Variants in SGCG observed in about 807,000 individuals in gnomAD.
SGCG encodes the protein gamma-sarcoglycan.
In SGCG, 26 loss-of-function variants were observed where a neutral mutation model predicts 29.3. The observed-to-expected ratio is 0.89, with a 90% CI of 0.65 to 1.23. The LOEUF is 1.23. SGCG is among the 50% of genes most tolerant of loss of function. SGCG has a pLI of 0.00. For missense variants in SGCG, 353 were observed against 356.0 expected (o/e 0.99, Z 0.07); for synonymous variants, 145 against 129.7 (o/e 1.12, Z -0.80).
intron 1 of SGCG, among the ~76,000 whole-genome samples, chr13:23,199,387 T>C (rs1345090918): frequency 1.3e-5 from 2 of 152,230 alleles, no homozygotes; most frequent in African/African-American, 4.8e-5. Context: ...TGAATACCAC[T>C]AATGCAGTTG....
chr13:23,192,275 G>A (rs527868963), intron 1 of SGCG, among the ~76,000 whole-genome samples: 3 of 152,130 alleles, frequency 2.0e-5, no homozygotes, highest in South Asian at 2.1e-4. Flanking sequence ...GTAATAATAT[G>A]TAACTCTATC....
intron 5 of SGCG, among the ~76,000 whole-genome samples, chr13:23,284,037 A>G (rs1881406129): frequency 6.6e-6 from 1 of 152,092 alleles, no homozygotes; most frequent in African/African-American, 2.4e-5. Flanking sequence ...TGCCCTTAAC[A>G]TGTTTTCCTT....
the SGCG span, among the ~76,000 whole-genome samples, chr13:23,169,407 G>A: frequency 3.0e-4 from 46 of 151,478 alleles, no homozygotes; most frequent in African/African-American, 8.7e-4. Flanking sequence ...GGTAGCCGGC[G>A]CGGTGGCTCA....
At chr13:23,230,689 G>A (rs1239508095) in intron 2 of SGCG, among the ~76,000 whole-genome samples, 1 of 152,188 alleles carries the variant, frequency 6.6e-6, no homozygotes, top group African/African-American at 2.4e-5. Context: ...TTTGGGCAGA[G>A]ACTATGGGTT....
intron 6 of SGCG, among the ~76,000 whole-genome samples, chr13:23,299,456 A>ATATATTTTTT (rs1882059808): frequency 4.8e-5 from 2 of 41,540 alleles, no homozygotes; most frequent in Non-Finnish European, 9.6e-5. Flanking sequence ...ATATATATAT[A>ATATATTTTTT]TTTTTTTTTT....
At chr13:23,219,896 C>A (rs1404251483) in intron 2 of SGCG, among the ~76,000 whole-genome samples, 2 of 133,374 alleles carry the variant, frequency 1.5e-5, no homozygotes, top group African/African-American at 5.6e-5. Flanking sequence ...AGTGCAGTGG[C>A]GCCATCTCGG....
chr13:23,273,351 A>G (rs1880940596), intron 4 of SGCG, among the ~76,000 whole-genome samples: 1 of 151,928 alleles, frequency 6.6e-6, no homozygotes, highest in African/African-American at 2.4e-5. Context: ...TGCCCAGCTA[A>G]TTTTTGTATT....
At chr13:23,225,518 G>C (rs1189316315) in intron 2 of SGCG, among the ~76,000 whole-genome samples, 2 of 151,858 alleles carry the variant, frequency 1.3e-5, no homozygotes, top group African/African-American at 4.8e-5. Flanking sequence ...CATTTATTTT[G>C]ATGCTCAAAC....
intron 4 of SGCG, among the ~76,000 whole-genome samples, chr13:23,266,930 G>C (rs896948473): frequency 6.6e-6 from 1 of 152,090 alleles, no homozygotes; most frequent in Admixed American, 6.6e-5. Flanking sequence ...GAATTTCTTT[G>C]TAGCAATGCA....
chr13:23,178,681 A>C (rs1876634023), upstream of SGCG, among the ~76,000 whole-genome samples: 1 of 152,152 alleles, frequency 6.6e-6, no homozygotes, highest in African/African-American at 2.4e-5. Flanking sequence ...GAACTTTCTC[A>C]TTCCCCTATT....
rs181828594 is a variant in SGCG at position 23,271,170 on chromosome 13, C to T, written c.386-8189C>T. The stretch of plus-strand genomic sequence containing the variant: ...GAGGTTGCAGTGAGCCGAGATCACG[C>T]CACTACACTCCAACCTGTGTGATAG... On this transcript the variant is annotated intron_variant, in intron 4 of 7. Coordinates refer to ENST00000218867, the MANE Select transcript of SGCG (RefSeq NM_000231.3). 5.3e-5 allele frequency among the ~76,000 whole-genome samples: 8 copies of T among 152,254 alleles called. No individual in the cohort carries two copies. In the East Asian group the frequency reaches 1.5e-3, roughly 29 times the overall value.
chr13:23,211,686 G>T (rs1878217853), intron 2 of SGCG, among the ~76,000 whole-genome samples: 1 of 152,184 alleles, frequency 6.6e-6, no homozygotes, highest in Non-Finnish European at 1.5e-5. Context: ...CCAGCTTCTT[G>T]ACCGCAGGCT....
intron 1 of SGCG, among the ~76,000 whole-genome samples, chr13:23,203,175 G>T (rs1182710642): frequency 6.6e-6 from 1 of 152,068 alleles, no homozygotes; most frequent in Non-Finnish European, 1.5e-5. Flanking sequence ...TAGCCAGGAT[G>T]GTCTCGATCT....
intron 6 of SGCG, among the ~76,000 whole-genome samples, chr13:23,305,170 C>T (rs1474062409): frequency 2.6e-5 from 4 of 152,170 alleles, no homozygotes; most frequent in African/African-American, 7.2e-5. Context: ...TGACAACTTA[C>T]TGTGTTGAGT....
At chr13:23,203,923 T>C (rs1376276148) in intron 2 of SGCG, 34 bp downstream of exon 2, 1 of 1,447,744 alleles carries the variant, frequency 6.9e-7, no homozygotes, top group East Asian at 2.3e-5. Flanking sequence ...AGCATGTTCT[T>C]GTTTTGTTCA....
At chr13:23,222,705 G>A (rs1341289382) in intron 2 of SGCG, among the ~76,000 whole-genome samples, 1 of 152,028 alleles carries the variant, frequency 6.6e-6, no homozygotes, top group Non-Finnish European at 1.5e-5. Context: ...GCGTGTGCCT[G>A]TAGTCTCAGC....
At chr13:23,169,142 T>C in the SGCG span, among the ~76,000 whole-genome samples, 1 of 151,924 alleles carries the variant, frequency 6.6e-6, no homozygotes, top group Non-Finnish European at 1.5e-5. Context: ...TACCCTCATT[T>C]TTGACCCCCT....
At chr13:23,310,314 C>G (rs1882540615) in intron 6 of SGCG, among the ~76,000 whole-genome samples, 4 of 151,974 alleles carry the variant, frequency 2.6e-5, no homozygotes, top group Admixed American at 2.6e-4. Flanking sequence ...TCTCGATCTC[C>G]TGACCTCATG....
intron 2 of SGCG, among the ~76,000 whole-genome samples, chr13:23,209,119 A>G (rs1474276893): frequency 6.6e-6 from 1 of 152,150 alleles, no homozygotes. Flanking sequence ...GAAAAAAGAT[A>G]TAAGTGATCA....
Sources: allele counts gnomAD v4.1 joint callset (sites outside exome capture counted in the v4.1 genomes callset), GRCh38; gene constraint gnomAD v4.1.1; transcripts MANE v1.5; gene names NCBI Gene and HGNC (gene_info 2026-07-23, HGNC 2026-07-21).